The following DAB1 variants were observed in gnomAD, a reference collection of about 807,000 sequenced individuals.
DAB1 encodes DAB adaptor protein 1, also known as disabled homolog 1.
Under a neutral mutation model 64.6 loss-of-function variants are expected in DAB1, and 15 were observed. The observed-to-expected ratio is 0.23, with a 90% CI of 0.16 to 0.36. The LOEUF is 0.36. Ranked by LOEUF, DAB1 falls within the 10% of genes least tolerant of loss-of-function variation. DAB1 has a pLI of 1.00. For synonymous variants in DAB1, 235 were observed against 251.9 expected (o/e 0.93, Z 0.64); for missense variants, 596 against 706.7 (o/e 0.84, Z 1.78).
At chr1:58,498,164 G>A (rs573376186) in intron 3 of DAB1, among the ~76,000 whole-genome samples, 1 of 151,814 alleles carries the variant, frequency 6.6e-6, no homozygotes, top group South Asian at 2.1e-4. Context: ...GAAAAATAGG[G>A]GCTCATTAAG....
intron 7 of DAB1, among the ~76,000 whole-genome samples, chr1:57,580,324 C>T (rs1030986923): frequency 3.3e-5 from 5 of 152,094 alleles, no homozygotes; most frequent in East Asian, 1.9e-4. Context: ...TGTACATCTC[C>T]GGGGAGACAA....
chr1:58,055,419 C>T (rs1484917392), intron 5 of DAB1, among the ~76,000 whole-genome samples: 1 of 152,192 alleles, frequency 6.6e-6, no homozygotes, highest in Admixed American at 6.5e-5. Context: ...TCATTCTACT[C>T]TATTTCCATT....
intron 3 of DAB1, among the ~76,000 whole-genome samples, chr1:58,400,349 C>A (rs192749522): frequency 6.6e-6 from 1 of 152,186 alleles, no homozygotes; most frequent in East Asian, 1.9e-4. Flanking sequence ...CCCGCTCAGA[C>A]CAGACACCCA....
chr1:58,297,193 G>T (rs376671857), intron 4 of DAB1, among the ~76,000 whole-genome samples: 1 of 152,146 alleles, frequency 6.6e-6, no homozygotes, highest in Admixed American at 6.6e-5. Flanking sequence ...ATATTTAAGT[G>T]AAATAGGGTT....
At chr1:58,180,333 C>T (rs1382305808) in intron 4 of DAB1, among the ~76,000 whole-genome samples, 1 of 105,824 alleles carries the variant, frequency 9.4e-6, no homozygotes, top group African/African-American at 4.0e-5. Flanking sequence ...CACTTTGTTG[C>T]CCAGACTGGA....
chr1:57,641,413 T>C (rs1339799049), intron 7 of DAB1, among the ~76,000 whole-genome samples: 1 of 126,242 alleles, frequency 7.9e-6, no homozygotes, highest in Non-Finnish European at 1.6e-5. Context: ...AGACGGAGTC[T>C]CGCTCTGTCG....
intron 5 of DAB1, among the ~76,000 whole-genome samples, chr1:58,007,364 G>A (rs1029837420): frequency 6.6e-6 from 1 of 152,172 alleles, no homozygotes; most frequent in Non-Finnish European, 1.5e-5. Context: ...GACGGCTTTT[G>A]CAGCCAAAAC....
intron 4 of DAB1, among the ~76,000 whole-genome samples, chr1:58,257,951 G>A (rs17440773): frequency 0.013 from 1,919 of 152,310 alleles, 19 homozygotes; most frequent in Non-Finnish European, 0.02. Context: ...GGCTTTGAGT[G>A]TGATGTTTAG....
At chr1:57,878,142 A>G (rs1173358361) in intron 1 of DAB1, among the ~76,000 whole-genome samples, 6 of 141,930 alleles carry the variant, frequency 4.2e-5, no homozygotes, top group African/African-American at 1.5e-4. Context: ...CTTTAGAAAT[A>G]TGTTTTATTT....
chr1:57,572,934 G>A (rs545576675), intron 7 of DAB1, among the ~76,000 whole-genome samples: 1 of 152,130 alleles, frequency 6.6e-6, no homozygotes, highest in African/African-American at 2.4e-5. Flanking sequence ...TCACTATCTT[G>A]AAGACAGCAC....
At chr1:57,795,921 G>A (rs1223910604) in intron 6 of DAB1, among the ~76,000 whole-genome samples, 1 of 151,136 alleles carries the variant, frequency 6.6e-6, no homozygotes, top group Admixed American at 6.6e-5. Flanking sequence ...CGAAAATATT[G>A]TAAGAATCAA....
chr1:58,082,741 C>T (rs113226463), intron 5 of DAB1, among the ~76,000 whole-genome samples: 32 of 152,006 alleles, frequency 2.1e-4, no homozygotes, highest in Middle Eastern at 3.4e-3. Context: ...CAGAAAACAG[C>T]GCATCTCATG....
chr1:57,387,949 TCTG>T (rs1186270759), intron 1 of DAB1, among the ~76,000 whole-genome samples: 1 of 150,756 alleles, frequency 6.6e-6, no homozygotes, highest in African/African-American at 2.5e-5. Flanking sequence ...CTATGATCTA[TCTG>T]CTACATGCCC....
intron 4 of DAB1, among the ~76,000 whole-genome samples, chr1:58,336,716 CAAT>C (rs539164048): frequency 1.1e-3 from 160 of 152,116 alleles, no homozygotes; most frequent in African/African-American, 3.4e-3. Context: ...TTTAGGATAA[CAAT>C]AATAATATCT....
chr1:58,159,936 T>C (rs1210552039), intron 4 of DAB1, among the ~76,000 whole-genome samples: 1 of 152,112 alleles, frequency 6.6e-6, no homozygotes, highest in East Asian at 1.9e-4. Context: ...TTTAGAGAAT[T>C]CCCTTCTATC....
At chr1:57,834,585 A>T (rs1341954445) in intron 1 of DAB1, among the ~76,000 whole-genome samples, 1 of 151,840 alleles carries the variant, frequency 6.6e-6, no homozygotes, top group East Asian at 1.9e-4. Context: ...ATATGCACAC[A>T]GTTTTTTATA....
intron 5 of DAB1, among the ~76,000 whole-genome samples, chr1:58,056,963 G>T (rs1321297793): frequency 6.6e-6 from 1 of 151,506 alleles, no homozygotes; most frequent in Non-Finnish European, 1.5e-5. Context: ...TAACTCGTAT[G>T]TTTTCCCTAT....
intron 7 of DAB1, among the ~76,000 whole-genome samples, chr1:57,624,409 G>A (rs1645897950): frequency 6.6e-6 from 1 of 152,084 alleles, no homozygotes; most frequent in Admixed American, 6.6e-5. Context: ...AACGATGAAA[G>A]GAACAAAAAT....
At chr1:57,779,928 A>C (rs1170061964) in intron 6 of DAB1, among the ~76,000 whole-genome samples, 1 of 152,092 alleles carries the variant, frequency 6.6e-6, no homozygotes, top group African/African-American at 2.4e-5. Context: ...GCCATTTTCT[A>C]TTTTTCTTAC....
Sources: gnomAD v4.1 joint callset for allele counts (sites outside exome capture counted in the v4.1 genomes callset) on GRCh38, gnomAD v4.1.1 for gene constraint, MANE v1.5 for transcripts, NCBI Gene and HGNC (gene_info 2026-07-23, HGNC 2026-07-21) for gene names.